SOX5: variants seen among roughly 807,000 people sequenced by gnomAD.
SOX5 encodes the protein SRY-box transcription factor 5, also known as transcription factor SOX-5.
SOX5 carries 9 observed loss-of-function variants against 92.0 expected under a neutral mutation model. That is an observed-to-expected ratio of 0.10 (90% CI 0.06 to 0.17). The LOEUF is 0.17. Ranked by LOEUF, SOX5 falls within the 10% of genes least tolerant of loss-of-function variation. SOX5 has a pLI of 1.00. For synonymous variants in SOX5, 344 were observed against 336.3 expected, an observed-to-expected ratio of 1.02 and a Z score of -0.25; for missense variants, 642 against 944.5, an observed-to-expected ratio of 0.68 and a Z score of 4.20.
chr12:24,506,736 T>C (rs1462777182), intron 1 of SOX5, among the ~76,000 whole-genome samples: 1 of 148,576 alleles, frequency 6.7e-6, no homozygotes, highest in African/African-American at 2.5e-5. Context: ...ACTAGCATTT[T>C]CCCCCTCCCT....
chr12:24,542,264 C>T (rs1215136459), intron 1 of SOX5, among the ~76,000 whole-genome samples: 1 of 152,182 alleles, frequency 6.6e-6, no homozygotes, highest in Non-Finnish European at 1.5e-5. Context: ...GTGCTGTTCT[C>T]TATGCTTACT....
intron 4 of SOX5, among the ~76,000 whole-genome samples, chr12:23,990,392 T>C (rs1333054408): frequency 1.3e-5 from 2 of 152,196 alleles, no homozygotes; most frequent in Non-Finnish European, 2.9e-5. Flanking sequence ...TGCCTTTTCC[T>C]CTAGGCATGT....
At chr12:23,956,137 T>C (rs932330385) in intron 4 of SOX5, among the ~76,000 whole-genome samples, 9 of 152,206 alleles carry the variant, frequency 5.9e-5, no homozygotes, top group African/African-American at 2.4e-5. Context: ...ACTACATTTG[T>C]CTATTCTCCA....
intron 2 of SOX5, among the ~76,000 whole-genome samples, chr12:24,345,144 C>T (rs1301266946): frequency 6.6e-6 from 1 of 152,084 alleles, no homozygotes; most frequent in East Asian, 1.9e-4. Context: ...ACAGGTGAAA[C>T]AGGCCATAAC....
intron 4 of SOX5, among the ~76,000 whole-genome samples, chr12:24,040,020 A>C (rs1177896067): frequency 1.3e-5 from 2 of 151,822 alleles, no homozygotes; most frequent in Admixed American, 1.3e-4. Context: ...ACTTAAAATT[A>C]CTTAAAATTC....
intron 1 of SOX5, among the ~76,000 whole-genome samples, chr12:24,433,735 A>T (rs548787908): frequency 2.0e-5 from 3 of 152,218 alleles, no homozygotes; most frequent in Admixed American, 1.3e-4. Flanking sequence ...AGAAGAAGAA[A>T]ATGGATAGAG....
At chr12:23,543,588 C>G (rs1422576776) in intron 12 of SOX5, among the ~76,000 whole-genome samples, 2 of 152,140 alleles carry the variant, frequency 1.3e-5, no homozygotes, top group African/African-American at 4.8e-5. Flanking sequence ...GTATTTTTAA[C>G]CAATTTCTAA....
chr12:24,098,224 T>C (rs1448325714), intron 4 of SOX5, among the ~76,000 whole-genome samples: 1 of 152,164 alleles, frequency 6.6e-6, no homozygotes, highest in Admixed American at 6.6e-5. Context: ...GCAATATCAA[T>C]ACACACATCC....
intron 6 of SOX5, among the ~76,000 whole-genome samples, chr12:23,665,895 C>T (rs1412602411): frequency 6.6e-6 from 1 of 152,056 alleles, no homozygotes; most frequent in African/African-American, 2.4e-5. Flanking sequence ...AAAAAATTAT[C>T]CCATAGAAGG....
intron 3 of SOX5, among the ~76,000 whole-genome samples, chr12:23,807,313 C>T (rs2095797625): frequency 6.6e-6 from 1 of 152,086 alleles, no homozygotes; most frequent in Admixed American, 6.6e-5. Context: ...ACTTGGGACA[C>T]TTCATTAAGG....
chr12:24,056,953 C>A (rs1315237603), intron 4 of SOX5, among the ~76,000 whole-genome samples: 3 of 105,058 alleles, frequency 2.9e-5, no homozygotes, highest in Non-Finnish European at 3.8e-5. Flanking sequence ...CCAGCCTGGG[C>A]GACAGAGCGA....
chr12:23,563,161 T>C (rs1946504768), intron 11 of SOX5, 97 bp downstream of exon 11: 1 of 1,015,440 alleles, frequency 9.8e-7, no homozygotes, highest in Non-Finnish European at 1.5e-6. Context: ...GAGAATCATT[T>C]TGAGGATGAT....
intron 1 of SOX5, among the ~76,000 whole-genome samples, chr12:24,504,447 A>G (rs926201664): frequency 6.6e-6 from 1 of 152,226 alleles, no homozygotes; most frequent in African/African-American, 2.4e-5. Flanking sequence ...TAAATTTTTT[A>G]AGAGAAAAAG....
At chr12:24,411,503 G>A (rs926081312) in intron 1 of SOX5, among the ~76,000 whole-genome samples, 1 of 152,086 alleles carries the variant, frequency 6.6e-6, no homozygotes, top group African/African-American at 2.4e-5. Flanking sequence ...TTTTCTGAGA[G>A]TTTTTCTCAT....
At chr12:23,915,795 T>C (rs1424204697) in intron 1 of SOX5, among the ~76,000 whole-genome samples, 2 of 152,208 alleles carry the variant, frequency 1.3e-5, no homozygotes, top group East Asian at 1.9e-4. Context: ...GATTCAGTCA[T>C]TGTGAAAGTT....
chr12:24,365,720 C>CAT (rs1414355591), intron 2 of SOX5, among the ~76,000 whole-genome samples: 1 of 134,546 alleles, frequency 7.4e-6, no homozygotes, highest in African/African-American at 2.6e-5. Context: ...ATCTGGGATA[C>CAT]ATATAGACAC....
At chr12:24,424,370 A>T (rs796727335) in intron 1 of SOX5, among the ~76,000 whole-genome samples, 2 of 152,336 alleles carry the variant, frequency 1.3e-5, no homozygotes, top group African/African-American at 4.8e-5. Context: ...TTAATGTTAC[A>T]CACCTTAAAA....
chr12:23,757,567 G>C (rs1336434790), intron 3 of SOX5, among the ~76,000 whole-genome samples: 1 of 151,876 alleles, frequency 6.6e-6, no homozygotes, highest in Non-Finnish European at 1.5e-5. Flanking sequence ...AAACACCACT[G>C]TCTCTTTTTT....
intron 3 of SOX5, among the ~76,000 whole-genome samples, chr12:23,843,721 G>A (rs981177400): frequency 6.6e-6 from 1 of 151,572 alleles, no homozygotes; most frequent in African/African-American, 2.4e-5. Flanking sequence ...ACACCACCAT[G>A]CCTGCCTAAT....
Sources: allele counts gnomAD v4.1 joint callset (sites outside exome capture counted in the v4.1 genomes callset), GRCh38; gene constraint gnomAD v4.1.1; transcripts MANE v1.5; gene names NCBI Gene and HGNC (gene_info 2026-07-23, HGNC 2026-07-21).